Variants in TMEM63C observed in about 807,000 individuals in gnomAD.
TMEM63C encodes transmembrane protein 63C, also known as osmosensitive cation channel TMEM63C.
In TMEM63C, 32 loss-of-function variants were observed where a neutral mutation model predicts 99.2. The ratio of observed to expected loss-of-function variants is 0.32; its 90% CI spans 0.24 to 0.43. TMEM63C has a LOEUF of 0.43. Among genes scored for constraint, TMEM63C ranks in the 20% least tolerant of loss-of-function variants. TMEM63C has a pLI of 1.00. For synonymous variants in TMEM63C, 376 were observed against 397.9 expected (o/e 0.94, Z 0.66); for missense variants, 826 against 1,053.0 (o/e 0.78, Z 2.98).
intron 6 of TMEM63C, among the ~76,000 whole-genome samples, chr14:77,229,222 G>A (rs1181585309): frequency 6.6e-6 from 1 of 151,766 alleles, no homozygotes; most frequent in African/African-American, 2.4e-5. Flanking sequence ...TGGCCAACAT[G>A]GTGAAACTCC....
chr14:77,246,813 T>A, intron 18 of TMEM63C, 139 bp downstream of exon 18: 1 of 638,996 alleles, frequency 1.6e-6, no homozygotes, highest in South Asian at 2.4e-5. Flanking sequence ...CTGGGCAGAC[T>A]TGTTACCTTT....
chr14:77,255,278 A>G (rs1889442283), intron 23 of TMEM63C, among the ~76,000 whole-genome samples: 1 of 152,232 alleles, frequency 6.6e-6, no homozygotes, highest in East Asian at 1.9e-4. Context: ...GGCGTGAGCC[A>G]CCACGCCAGG....
At chr14:77,204,256 T>A (rs1034392948) in intron 1 of TMEM63C, among the ~76,000 whole-genome samples, 1 of 152,216 alleles carries the variant, frequency 6.6e-6, no homozygotes, top group Admixed American at 6.5e-5. Context: ...CATTTTTTTT[T>A]TAAATCAAAA....
intron 6 of TMEM63C, among the ~76,000 whole-genome samples, chr14:77,227,462 G>GTA (rs1220976855): frequency 3.3e-5 from 5 of 152,220 alleles, no homozygotes; most frequent in Non-Finnish European, 7.3e-5. Flanking sequence ...GTCAGGGCAA[G>GTA]TATGCAAGCT....
intron 1 of TMEM63C, among the ~76,000 whole-genome samples, chr14:77,206,187 G>C (rs1177666248): frequency 6.8e-6 from 1 of 147,264 alleles, no homozygotes; most frequent in Non-Finnish European, 1.5e-5. Context: ...GACTAGAGGG[G>C]CCTCAGTAGC....
At chr14:77,250,950 C>G (rs1047812422) in intron 21 of TMEM63C, among the ~76,000 whole-genome samples, 2 of 152,202 alleles carry the variant, frequency 1.3e-5, no homozygotes, top group Admixed American at 6.5e-5. Flanking sequence ...TTGTTCCCAG[C>G]CCCCTTTCCA....
At chr14:77,236,865 A>T (rs1889070318) in intron 9 of TMEM63C, 133 bp downstream of exon 9, 1 of 659,218 alleles carries the variant, frequency 1.5e-6, no homozygotes, top group African/African-American at 1.8e-5. Context: ...GGGCGGTTTC[A>T]CCTGAGCAGG....
At chr14:77,189,381 G>A (rs1034748401) in intron 1 of TMEM63C, among the ~76,000 whole-genome samples, 4 of 151,848 alleles carry the variant, frequency 2.6e-5, no homozygotes, top group African/African-American at 7.3e-5. Context: ...GCCTCCAAAC[G>A]TGCTGGGATT....
intron 9 of TMEM63C, 94 bp from the exon 10 acceptor site, chr14:77,238,600 C>A: frequency 1.0e-6 from 1 of 990,678 alleles, no homozygotes. Context: ...CTGCTGTGAG[C>A]AGAAGGCCTG....
intron 13 of TMEM63C, 63 bp downstream of exon 13, chr14:77,240,671 C>G (rs1427082826): frequency 2.6e-5 from 41 of 1,570,188 alleles, no homozygotes; most frequent in Non-Finnish European, 3.4e-5. Flanking sequence ...GCACTCTCCT[C>G]CCTCTCCACC....
intron 15 of TMEM63C, among the ~76,000 whole-genome samples, chr14:77,243,943 TG>T (rs1889225518): frequency 6.6e-6 from 1 of 152,096 alleles, no homozygotes; most frequent in African/African-American, 2.4e-5. Flanking sequence ...TGTTCCCCTT[TG>T]TCAACTTTGT....
intron 7 of TMEM63C, 104 bp from the exon 8 acceptor site, chr14:77,233,348 G>T (rs1014051488): frequency 2.5e-6 from 3 of 1,208,364 alleles, no homozygotes; most frequent in Non-Finnish European, 3.6e-6. Context: ...GAGGTCAAAG[G>T]CAAGCATCTC....
intron 5 of TMEM63C, among the ~76,000 whole-genome samples, chr14:77,222,469 C>T (rs1888742647): frequency 6.6e-6 from 1 of 152,218 alleles, no homozygotes; most frequent in Non-Finnish European, 1.5e-5. Context: ...CATTTTCCAC[C>T]TGCATCCAGA....
intron 9 of TMEM63C, 108 bp from the exon 10 acceptor site, chr14:77,238,586 C>G (rs1889102945): frequency 1.2e-6 from 1 of 844,072 alleles, no homozygotes; most frequent in African/African-American, 1.7e-5. Context: ...CTGGCATCAG[C>G]AGCCTGCTGT....
chr14:77,220,111 C>T (rs764717234), intron 5 of TMEM63C, 24 bp downstream of exon 5: 49 of 1,548,752 alleles, frequency 3.2e-5, no homozygotes, highest in Non-Finnish European at 3.9e-5. Flanking sequence ...GCGGTCTGGG[C>T]GGTGGGAGTC....
chr14:77,253,413 G>A (rs1353330254), intron 23 of TMEM63C, 37 bp downstream of exon 23: 2 of 1,562,212 alleles, frequency 1.3e-6, no homozygotes, highest in Non-Finnish European at 1.7e-6. Flanking sequence ...TGGGAGGGTG[G>A]TGCTTGCAGG....
At chr14:77,228,367 C>T (rs1194297786) in intron 6 of TMEM63C, among the ~76,000 whole-genome samples, 1 of 150,274 alleles carries the variant, frequency 6.7e-6, no homozygotes, top group African/African-American at 2.4e-5. Context: ...AGGACCTTCC[C>T]CCGCTCTCCA....
In TMEM63C at chr14:77,242,218, C is replaced by T. The variant is rs1889189262; in HGVS notation, c.1065-129C>T. ...AAGACATATCCAAGGCTTCAAGAAT[C>T]CCCAGGAAGGGGATGAGCCCCCATC... is the stretch of plus-strand genomic sequence containing the variant. On this transcript the variant is annotated intron_variant, in intron 13 of 23. Transcript: ENST00000298351. The T allele has an allele frequency of 3.5e-5, 36 of 1,040,646 alleles. No homozygotes were observed. In the South Asian group the frequency reaches 4.9e-4, roughly 14 times the overall value. 64.5% of individuals were successfully genotyped at this position (1,040,646 alleles called of 1,614,324 possible). A position where few individuals can be genotyped will look rare whatever the true frequency, so the allele number is the denominator to read the frequency against.
chr14:77,246,556 G>A, intron 17 of TMEM63C, 53 bp from the exon 18 acceptor site: 7 of 1,515,942 alleles, frequency 4.6e-6, no homozygotes, highest in Non-Finnish European at 6.4e-6. Flanking sequence ...TGAACCCTCA[G>A]CCTTAGCTCA....
Sources: allele counts gnomAD v4.1 joint callset (sites outside exome capture counted in the v4.1 genomes callset), GRCh38; gene constraint gnomAD v4.1.1; transcripts MANE v1.5; gene names NCBI Gene and HGNC (gene_info 2026-07-23, HGNC 2026-07-21).